TMEM200C: variants seen among roughly 807,000 people sequenced by gnomAD.
TMEM200C encodes the protein transmembrane protein 200C, also known as transmembrane protein TTMA.
For missense variants in TMEM200C, 966 were observed against 699.9 expected, an observed-to-expected ratio of 1.38 and a Z score of -4.29; for synonymous variants, 462 against 324.7, an observed-to-expected ratio of 1.42 and a Z score of -4.55.
rs1461692428 is a variant in TMEM200C at position 5,891,630 on chromosome 18, G to A, written c.434C>T (p.Ser145Phe). ...GAAGAAGAAGCCCACGGACGTGGAGGAGGAGGACGGGGAGGCGGCTCGTGC... is the reference window on the plus strand; with the variant it reads ...GAAGAAGAAGCCCACGGACGTGGAGAAGGAGGACGGGGAGGCGGCTCGTGC... The change falls in exon 3 of 3, where the codon TCC becomes TTC. Residue 145 changes from serine (S) to phenylalanine (F), a missense_variant. Coordinates refer to ENST00000581347, the Ensembl canonical transcript of TMEM200C. The surrounding 1 kb of genome is among the most constrained non-coding windows in gnomAD (Gnocchi z 4.7). The A allele has an allele frequency of 6.2e-6, 10 of 1,613,768 alleles. No homozygotes were observed. Among genetic ancestry groups the A allele is most frequent in the Non-Finnish European group, 8.5e-6 (10 of 1,179,848 alleles).
At chr18:5,886,189 GA>G (rs1182875365) in exon 3 of TMEM200C, 4 of 151,822 alleles carry the variant, frequency 2.6e-5, no homozygotes, top group African/African-American at 4.8e-5. Flanking sequence ...AATTACTGAA[GA>G]AAAAAATTAA....
chr18:5,890,885 G>A (rs1222830538), exon 3 of TMEM200C: 4 of 681,526 alleles, frequency 5.9e-6, no homozygotes, highest in Non-Finnish European at 8.0e-6. Flanking sequence ...CGCCCTCCGC[G>A]TCCCCGCCCC....
At chr18:5,894,521 C>G (rs546647113) in intron 2 of TMEM200C, among the ~76,000 whole-genome samples, 2 of 152,148 alleles carry the variant, frequency 1.3e-5, no homozygotes, top group African/African-American at 2.4e-5. Context: ...CTGGTCTTAC[C>G]GTGGTTAAAG....
chr18:5,891,164 C>T lies in TMEM200C; in HGVS notation c.900G>A (p.Ala300=). ...GGGAAGAGGCCAGGTCCGGCGGGGA[C>T]GCGGCGCCCCGAGGGCGGCCGCCGC... Residue 300 remains alanine, a synonymous_variant, in exon 3 of 3, where the codon GCG becomes GCA. Transcript: ENST00000581347. This position sits in a 1 kb window ranked among gnomAD's most constrained non-coding sequence, Gnocchi z 4.7. The T allele has an allele frequency of 1.7e-6, 1 of 578,678 alleles. No homozygotes were observed. Among genetic ancestry groups the T allele is most frequent in the South Asian group, 6.4e-5 (1 of 15,568 alleles). The allele number at this position is 578,678 out of a possible 1,614,324, so 35.8% of individuals were successfully genotyped here.
At chr18:5,890,857 T>C (rs1422383407) in exon 3 of TMEM200C, 4 of 679,924 alleles carry the variant, frequency 5.9e-6, no homozygotes, top group African/African-American at 1.8e-5. Context: ...CCCGGAGGCC[T>C]CTGCCAGCTG....
chr18:5,896,134 C>G (rs890339533), upstream of TMEM200C, among the ~76,000 whole-genome samples: 1 of 152,156 alleles, frequency 6.6e-6, no homozygotes, highest in Non-Finnish European at 1.5e-5. Context: ...TGGAGCCGCC[C>G]CCGCCGGGAC....
At position 5,891,838 on chromosome 18, in the gene TMEM200C, G is replaced by A. The variant is rs1019213376; in HGVS notation, c.226C>T (p.Pro76Ser). 1.9e-6 allele frequency: 3 copies of A among 1,607,202 alleles called. No homozygotes were observed. The highest frequency in any genetic ancestry group is 2.5e-6 in the Non-Finnish European group (3 of 1,178,868). ...TCCCGATTGGTCCCGGTGGCCTTGG[G>A]CCAGTAGCCCACCACCGCCATGGCT... Residue 76 changes from proline (P) to serine (S), a missense_variant, in exon 3 of 3, where the codon CCC becomes TCC. Physicochemically the swap from Pro to Ser is moderately conservative, Grantham distance 74. Coordinates refer to ENST00000581347, the Ensembl canonical transcript of TMEM200C. This position sits in a 1 kb window ranked among gnomAD's most constrained non-coding sequence, Gnocchi z 4.7.
chr18:5,892,220 A>T (rs1201569239), intron 2 of TMEM200C, 63 bp from the exon 2 acceptor site: 1 of 727,464 alleles, frequency 1.4e-6, no homozygotes, highest in Admixed American at 2.9e-5. Context: ...CTCACGCTGC[A>T]GCTGCCCTAC....
chr18:5,891,700 C>G lies in TMEM200C; in HGVS notation c.364G>C (p.Gly122Arg), dbSNP rs1165717151. ...GCGCCCGCGGAACTGGAGTTGACAC[C>G]CCCTGGAGCCCTAGGGTGGCTCCTG... Residue 122 changes from glycine (G) to arginine (R), a missense_variant, in exon 3 of 3, where the codon GGT becomes CGT. Transcript: ENST00000581347. This position sits in a 1 kb window ranked among gnomAD's most constrained non-coding sequence, Gnocchi z 4.7. 1 of 1,613,512 alleles carries G rather than the reference C, an allele frequency of 6.2e-7. No individual in the cohort carries two copies. The highest frequency in any genetic ancestry group is 2.2e-5 in the East Asian group (1 of 44,808).
exon 3 of TMEM200C, chr18:5,890,493 C>T: frequency 6.5e-7 from 1 of 1,547,406 alleles, no homozygotes. Flanking sequence ...CGACTGGGAG[C>T]TCCCGGAGTC....
exon 3 of TMEM200C, chr18:5,887,343 T>G (rs572292427): frequency 7.9e-4 from 120 of 152,316 alleles, no homozygotes; most frequent in African/African-American, 2.8e-3. Flanking sequence ...ACAAAAAAAC[T>G]TGTTCATGCC....
Position 5,891,960 on chromosome 18 carries a change from C to G in TMEM200C, c.104G>C (p.Arg35Pro). 1 of 1,613,970 alleles carries G rather than the reference C, an allele frequency of 6.2e-7. No homozygotes were observed. Among genetic ancestry groups the G allele is most frequent in the Non-Finnish European group, 8.5e-7 (1 of 1,179,880 alleles). ...TTTCACCACCACCACGTCGTTCTTG[C>G]GCCTCTTCTTGGCTTTCCGCTTGCG... Residue 35 changes from arginine to proline, a missense_variant, in exon 3 of 3, where the codon CGC becomes CCC. Arg to Pro is a moderately radical substitution (Grantham distance 103). Transcript: ENST00000581347. The surrounding 1 kb of genome is among the most constrained non-coding windows in gnomAD (Gnocchi z 4.7).
chr18:5,890,369 G>A, exon 3 of TMEM200C: 1 of 1,593,500 alleles, frequency 6.3e-7, no homozygotes, highest in Non-Finnish European at 8.6e-7. Flanking sequence ...CCAGAACGGG[G>A]GCGGCCACAG....
intron 2 of TMEM200C, among the ~76,000 whole-genome samples, chr18:5,893,841 T>TA (rs1371520356): frequency 6.6e-6 from 1 of 152,144 alleles, no homozygotes; most frequent in African/African-American, 2.4e-5. Context: ...ACCAGGTAGA[T>TA]AAGAGAGGGG....
At chr18:5,893,244 A>G (rs1443668637) in intron 2 of TMEM200C, among the ~76,000 whole-genome samples, 1 of 152,202 alleles carries the variant, frequency 6.6e-6, no homozygotes, top group African/African-American at 2.4e-5. Flanking sequence ...TCTACATAAT[A>G]TGATGATTTG....
At chr18:5,889,204 A>G (rs577101106) in exon 3 of TMEM200C, 3 of 152,310 alleles carry the variant, frequency 2.0e-5, no homozygotes, top group Admixed American at 6.5e-5. Flanking sequence ...GCATATTACT[A>G]TTTACTTAAC....
At chr18:5,889,502 C>T (rs2095167932) in exon 3 of TMEM200C, 1 of 152,110 alleles carries the variant, frequency 6.6e-6, no homozygotes, top group Non-Finnish European at 1.5e-5. Flanking sequence ...CTCAATAAAG[C>T]ATGGTGTACT....
In TMEM200C at chr18:5,892,144, GC is replaced by G; in HGVS notation, c.-82del. 7.6e-7 allele frequency: 1 copy of G among 1,319,784 alleles called. No homozygotes were observed. The highest frequency in any genetic ancestry group is 1.4e-5 in the South Asian group (1 of 70,688). 81.8% of individuals were successfully genotyped at this position (1,319,784 alleles called of 1,614,324 possible). A position where few individuals can be genotyped will look rare whatever the true frequency, so the allele number is the denominator to read the frequency against. ...GCGCCAACTGCCCACTAGCTGCTCA[GC>G]CACCTCCTCCTGCTGCAAAGCAGAG... is the stretch of plus-strand genomic sequence containing the variant. On this transcript the variant is annotated 5_prime_UTR_variant, in exon 3 of 3. An upstream open reading frame in the 5' UTR gains an earlier in-frame stop. Transcript: ENST00000581347.
exon 3 of TMEM200C, chr18:5,890,379 G>A: frequency 6.3e-7 from 1 of 1,586,512 alleles, no homozygotes; most frequent in Non-Finnish European, 8.6e-7. Context: ...GGCGGCCACA[G>A]CAGAGTCTCG....
Sources: allele counts gnomAD v4.1 joint callset (sites outside exome capture counted in the v4.1 genomes callset), GRCh38; gene constraint gnomAD v4.1.1; non-coding constraint Gnocchi (gnomAD v3.1); transcripts MANE v1.5; gene names NCBI Gene and HGNC (gene_info 2026-07-23, HGNC 2026-07-21).